Variants in CLSTN2 observed in about 807,000 individuals in gnomAD.
The protein encoded by CLSTN2 is calsyntenin-2.
Under a neutral mutation model 101.2 loss-of-function variants are expected in CLSTN2, and 48 were observed. That is an observed-to-expected ratio of 0.47 (90% CI 0.38 to 0.60). CLSTN2 has a LOEUF of 0.60. Ranked by LOEUF, CLSTN2 falls within the 20% of genes least tolerant of loss-of-function variation. The probability of loss-of-function intolerance (pLI) is 0.00; values close to 1 mark genes in which losing one functional copy is unlikely to be tolerated. For synonymous variants in CLSTN2, 481 were observed against 463.6 expected (o/e 1.04, Z -0.48); for missense variants, 1,160 against 1,238.2 (o/e 0.94, Z 0.95).
intron 1 of CLSTN2, among the ~76,000 whole-genome samples, chr3:140,082,110 C>T (rs74766332): frequency 0.047 from 7,108 of 152,226 alleles, 490 homozygotes; most frequent in African/African-American, 0.15. Flanking sequence ...TGACTCACAG[C>T]GGGTGGATGC....
At position 140,525,183 on chromosome 3, in the gene CLSTN2, AGATT is replaced by A. The variant is rs1321454800; in HGVS notation, c.1345-7134_1345-7131del. Among the ~76,000 whole-genome samples, 18 of 152,344 alleles carry A rather than the reference AGATT, an allele frequency of 1.2e-4. No homozygotes were observed. In the East Asian group the frequency reaches 2.1e-3, roughly 18 times the overall value. On this transcript the variant is annotated intron_variant, in intron 8 of 16. Coordinates refer to ENST00000458420, the MANE Select transcript of CLSTN2 (RefSeq NM_022131.3). The stretch of plus-strand genomic sequence containing the variant: ...AGTTGCTTTTTCGAAAGAATAAACA[AGATT>A]GATTGAGCGCTAGCTAGATTAACAA...
chr3:140,512,123 C>A (rs1028804636), intron 8 of CLSTN2, among the ~76,000 whole-genome samples: 2 of 151,968 alleles, frequency 1.3e-5, no homozygotes, highest in African/African-American at 4.8e-5. Context: ...TTTTGCTGTG[C>A]AGCTCTTCAG....
chr3:140,072,928 T>G (rs1297949370), intron 1 of CLSTN2, among the ~76,000 whole-genome samples: 1 of 152,250 alleles, frequency 6.6e-6, no homozygotes, highest in Non-Finnish European at 1.5e-5. Flanking sequence ...TGAGTTCCGC[T>G]TCTTGCTTAT....
intron 1 of CLSTN2, among the ~76,000 whole-genome samples, chr3:140,067,314 T>C (rs990187332): frequency 6.6e-6 from 1 of 152,200 alleles, no homozygotes; most frequent in South Asian, 2.1e-4. Flanking sequence ...TATAATTCTC[T>C]GAAACTGCAA....
At chr3:140,027,934 G>A (rs1486012238) in intron 1 of CLSTN2, among the ~76,000 whole-genome samples, 1 of 152,172 alleles carries the variant, frequency 6.6e-6, no homozygotes, top group Non-Finnish European at 1.5e-5. Flanking sequence ...TAACATTGGG[G>A]CCACTTACTT....
intron 2 of CLSTN2, among the ~76,000 whole-genome samples, chr3:140,233,880 C>T (rs78675951): frequency 0.019 from 2,895 of 152,320 alleles, 93 homozygotes; most frequent in African/African-American, 0.067. Context: ...AAATGCAACT[C>T]ACCACCTGTT....
chr3:140,307,693 C>T (rs960499118), intron 2 of CLSTN2, among the ~76,000 whole-genome samples: 7 of 152,078 alleles, frequency 4.6e-5, no homozygotes, highest in Non-Finnish European at 1.0e-4. Flanking sequence ...TCCTCTTTAT[C>T]TTTTCTCAAT....
At chr3:140,217,859 AG>A (rs1318985211) in intron 2 of CLSTN2, among the ~76,000 whole-genome samples, 1 of 152,234 alleles carries the variant, frequency 6.6e-6, no homozygotes, top group African/African-American at 2.4e-5. Context: ...TAAATTTTAA[AG>A]GTTCTCTACA....
intron 1 of CLSTN2, among the ~76,000 whole-genome samples, chr3:139,984,767 A>C (rs1487865665): frequency 6.6e-6 from 1 of 152,152 alleles, no homozygotes; most frequent in African/African-American, 2.4e-5. Context: ...TATAAGATGA[A>C]AGTTTCCAAA....
At chr3:140,334,002 TG>T (rs2087416615) in intron 2 of CLSTN2, among the ~76,000 whole-genome samples, 1 of 152,134 alleles carries the variant, frequency 6.6e-6, no homozygotes, top group African/African-American at 2.4e-5. Flanking sequence ...GGCAGACTGT[TG>T]TTATGGAAAG....
chr3:140,224,120 A>G (rs148413567), intron 2 of CLSTN2, among the ~76,000 whole-genome samples: 93 of 152,232 alleles, frequency 6.1e-4, no homozygotes, highest in African/African-American at 2.2e-3. Context: ...TTATTTATCC[A>G]TTACTTCCTA....
At chr3:140,279,422 C>T (rs1442534000) in intron 2 of CLSTN2, among the ~76,000 whole-genome samples, 1 of 152,180 alleles carries the variant, frequency 6.6e-6, no homozygotes, top group Non-Finnish European at 1.5e-5. Flanking sequence ...AAAAAGACAG[C>T]CTGAGGTATG....
intron 1 of CLSTN2, among the ~76,000 whole-genome samples, chr3:140,034,494 T>C (rs2007618502): frequency 6.6e-6 from 1 of 152,166 alleles, no homozygotes; most frequent in South Asian, 2.1e-4. Context: ...TGTGTTCTTT[T>C]CTTGGGAATA....
At chr3:140,271,932 T>G (rs932065866) in intron 2 of CLSTN2, among the ~76,000 whole-genome samples, 3 of 152,244 alleles carry the variant, frequency 2.0e-5, no homozygotes, top group Non-Finnish European at 4.4e-5. Context: ...GCTTCTATGA[T>G]AGAAGTACAA....
At chr3:140,040,252 A>T (rs1399556731) in intron 1 of CLSTN2, among the ~76,000 whole-genome samples, 1 of 152,122 alleles carries the variant, frequency 6.6e-6, no homozygotes. Context: ...CCTGAAACAG[A>T]TGGCACTGCG....
At chr3:140,264,907 T>C (rs2086682653) in intron 2 of CLSTN2, among the ~76,000 whole-genome samples, 1 of 152,078 alleles carries the variant, frequency 6.6e-6, no homozygotes, top group Non-Finnish European at 1.5e-5. Context: ...CCAGACTAGA[T>C]CTTGGGATTA....
rs372729143 is a variant in CLSTN2, at chr3:140,022,857, T to A, written c.109+87374T>A. ...CTCCAGACAGGCCCAGAATCAGATGTTCTGAACAGGACATATGGAAAGGAG... is the reference window on the plus strand; with the variant it reads ...CTCCAGACAGGCCCAGAATCAGATGATCTGAACAGGACATATGGAAAGGAG... On this transcript the variant is annotated intron_variant, in intron 1 of 16. Coordinates refer to ENST00000458420, the MANE Select transcript of CLSTN2 (RefSeq NM_022131.3). 3.3e-5 allele frequency among the ~76,000 whole-genome samples: 5 copies of A among 152,292 alleles called. No homozygotes were observed. The East Asian group carries it at 5.8e-4, about 18-fold the overall frequency.
chr3:140,464,990 C>A (rs1050902504), intron 7 of CLSTN2, among the ~76,000 whole-genome samples: 1 of 152,170 alleles, frequency 6.6e-6, no homozygotes, highest in Admixed American at 6.5e-5. Context: ...GTGTGATAGT[C>A]CTTCTAATAA....
chr3:140,136,722 T>C (rs1057261077), intron 1 of CLSTN2, among the ~76,000 whole-genome samples: 2 of 152,104 alleles, frequency 1.3e-5, no homozygotes, highest in Non-Finnish European at 2.9e-5. Context: ...CCTTGCAGAG[T>C]TGTTGTGAGA....
Sources: allele counts gnomAD v4.1 joint callset (sites outside exome capture counted in the v4.1 genomes callset), GRCh38; gene constraint gnomAD v4.1.1; transcripts MANE v1.5; gene names NCBI Gene and HGNC (gene_info 2026-07-23, HGNC 2026-07-21).